Variants in FMO5 observed in about 807,000 individuals in gnomAD.
FMO5 encodes the protein flavin containing dimethylaniline monoxygenase 5.
FMO5 carries 51 observed loss-of-function variants against 43.6 expected under a neutral mutation model. The ratio of observed to expected loss-of-function variants is 1.17; its 90% CI spans 0.93 to 1.48. The LOEUF is 1.48. FMO5 is among the 40% of genes most tolerant of loss of function. The probability of loss-of-function intolerance (pLI) is 0.00; values close to 1 mark genes in which losing one functional copy is unlikely to be tolerated. For synonymous variants in FMO5, 187 were observed against 216.5 expected, an observed-to-expected ratio of 0.86 and a Z score of 1.20; for missense variants, 644 against 643.0, an observed-to-expected ratio of 1.00 and a Z score of -0.02.
intron 7 of FMO5, among the ~76,000 whole-genome samples, chr1:147,193,664 A>G (rs1657351633): frequency 6.6e-6 from 1 of 152,094 alleles, no homozygotes; most frequent in South Asian, 2.1e-4. Context: ...ATTTCCCTCT[A>G]CACACTGCTT....
downstream of FMO5, chr1:147,184,594 CAACTTG>C (rs1655459958): frequency 3.9e-6 from 6 of 1,548,546 alleles, no homozygotes; most frequent in Non-Finnish European, 5.2e-6. The surrounding 1 kb of genome is among the most constrained non-coding windows in gnomAD (Gnocchi z 4.4). Context: ...GAATATTCTT[CAACTTG>C]GGTTTGTCTG....
In FMO5 at chr1:147,215,752, A is replaced by G. The variant is rs782803012; in HGVS notation, c.324+2T>C. 1 of 1,591,648 alleles carries G rather than the reference A, an allele frequency of 6.3e-7. No individual in the cohort carries two copies. Among genetic ancestry groups the G allele is most frequent in the East Asian group, 2.2e-5 (1 of 44,618 alleles). The stretch of plus-strand genomic sequence containing the variant: ...CACAAAGATACCCACACAATTTTCT[A>G]CCTTAAATCGAATATACTTTAGAAG... On this transcript the variant is annotated splice_donor_variant, in intron 3 of 8. Transcript: ENST00000254090. LOFTEE classifies it high-confidence loss of function.
rs1553924842 is a variant in FMO5, at chr1:147,215,760, T to A, written c.318A>T (p.Arg106=). 6.3e-7 allele frequency: 1 copy of A among 1,596,950 alleles called. No individual in the cohort carries two copies. The highest frequency in any genetic ancestry group is 1.1e-5 in the South Asian group (1 of 87,280). ...TACCCACACAATTTTCTACCTTAAA[T>A]CGAATATACTTTAGAAGGTCAAATT... is the stretch of plus-strand genomic sequence containing the variant. The part of the protein sequence containing the change: ...AKEFDLLKYI[R]FKTTVCSVKK... The change falls in exon 3 of 9, where the codon CGA becomes CGT. Residue 106 remains arginine, a synonymous_variant. Transcript: ENST00000254090.
intron 6 of FMO5, chr1:147,204,023 T>C: frequency 8.4e-7 from 1 of 1,192,570 alleles, no homozygotes; most frequent in Non-Finnish European, 1.3e-6. Flanking sequence ...TTTGTTTGCA[T>C]AATGAAGAGC....
chr1:147,189,237 T>G (rs901339243), intron 8 of FMO5, among the ~76,000 whole-genome samples: 151,784 of 151,784 alleles, frequency 1, 75,892 homozygotes, highest in Non-Finnish European at 1. Context: ...TCGTGCCACT[T>G]ACTCCAGCCT....
intron 2 of FMO5, among the ~76,000 whole-genome samples, chr1:147,220,481 G>T (rs1201244744): frequency 6.6e-6 from 1 of 152,136 alleles, no homozygotes; most frequent in Non-Finnish European, 1.5e-5. Flanking sequence ...AGAAGGCCTA[G>T]AATAGAAGAC....
chr1:147,205,439 T>C (rs1383274201), intron 6 of FMO5, among the ~76,000 whole-genome samples: 3 of 152,192 alleles, frequency 2.0e-5, no homozygotes, highest in Non-Finnish European at 4.4e-5. Flanking sequence ...GTAGTATATG[T>C]GTCAAAAACA....
intron 7 of FMO5, among the ~76,000 whole-genome samples, chr1:147,199,219 T>C (rs1553920386): frequency 6.7e-6 from 1 of 149,536 alleles, no homozygotes; most frequent in East Asian, 1.9e-4. Flanking sequence ...GCAGGCTTTG[T>C]TGGGCAGACA....
At chr1:147,212,593 T>A (rs782604962) in intron 4 of FMO5, 58 bp from the exon 5 acceptor site, 1 of 1,501,248 alleles carries the variant, frequency 6.7e-7, no homozygotes, top group Non-Finnish European at 9.1e-7. Context: ...ATATCATTTG[T>A]CAAGTCATTT....
At position 147,201,359 on chromosome 1, in the gene FMO5, C is replaced by T. The variant is rs782425210; in HGVS notation, c.976G>A (p.Val326Ile). The T allele has an allele frequency of 5.0e-6, 8 of 1,614,032 alleles. No individual in the cohort carries two copies. Among genetic ancestry groups the T allele is most frequent in the Non-Finnish European group, 5.9e-6 (7 of 1,180,016 alleles). Reference sequence around the variant, plus strand: ...AAGCTATAGCCTGTGGCAAAGATAACAGCATCAATGTCATCCTCCCTGGAG... The same window carrying T: ...AAGCTATAGCCTGTGGCAAAGATAATAGCATCAATGTCATCCTCCCTGGAG... ...DGSREDDIDA[V>I]IFATGYSFDF... The change falls in exon 7 of 9, where the codon GTT becomes ATT. Residue 326 changes from valine (V) to isoleucine (I), a missense_variant. By Grantham distance (29) the Val-to-Ile change is conservative (BLOSUM62 3). Coordinates refer to ENST00000254090, the MANE Select transcript of FMO5 (RefSeq NM_001461.4).
At chr1:147,204,770 T>C in intron 6 of FMO5, 8 of 1,561,996 alleles carry the variant, frequency 5.1e-6, no homozygotes, top group Non-Finnish European at 7.1e-6. Context: ...TTGATAACCA[T>C]TTTTTTCATT....
chr1:147,184,604 T>C (rs782130057), downstream of FMO5: 27 of 1,547,900 alleles, frequency 1.7e-5, no homozygotes, highest in South Asian at 3.2e-4. This position sits in a 1 kb window ranked among gnomAD's most constrained non-coding sequence, Gnocchi z 4.4. Context: ...CAACTTGGGT[T>C]TGTCTGATGT....
At chr1:147,219,301 T>C (rs1365373425) in intron 2 of FMO5, among the ~76,000 whole-genome samples, 5 of 152,208 alleles carry the variant, frequency 3.3e-5, no homozygotes, top group African/African-American at 1.2e-4. Context: ...GTTAGACATG[T>C]CTCTTTTGAG....
chr1:147,203,399 T>A, intron 6 of FMO5: 1 of 964,078 alleles, frequency 1.0e-6, no homozygotes, highest in Non-Finnish European at 1.7e-6. Context: ...GCGAGTTTGA[T>A]AGACCAGTGT....
At chr1:147,192,497 C>T (rs1571172227) in intron 7 of FMO5, among the ~76,000 whole-genome samples, 1 of 152,140 alleles carries the variant, frequency 6.6e-6, no homozygotes, top group East Asian at 1.9e-4. Flanking sequence ...ATCGAATACC[C>T]TTTATTTCCT....
chr1:147,224,670 C>T (rs1663687935), intron 2 of FMO5, among the ~76,000 whole-genome samples: 1 of 151,958 alleles, frequency 6.6e-6, no homozygotes, highest in Admixed American at 6.5e-5. Context: ...CCACCACGCC[C>T]GGCTAATTTT....
At chr1:147,188,649 C>T (rs1427144733) in intron 8 of FMO5, among the ~76,000 whole-genome samples, 7 of 151,144 alleles carry the variant, frequency 4.6e-5, no homozygotes, top group Non-Finnish European at 1.0e-4. Flanking sequence ...ACATAGTCGG[C>T]CTTTAATAAA....
chr1:147,202,263 T>C (rs1254101538), intron 6 of FMO5, among the ~76,000 whole-genome samples: 2 of 151,306 alleles, frequency 1.3e-5, no homozygotes, highest in African/African-American at 2.4e-5. Flanking sequence ...TTACTTTTAA[T>C]AATAATAAGG....
Position 147,213,325 on chromosome 1 carries a change from G to C in FMO5, c.470C>G (p.Pro157Arg), listed in dbSNP as rs782796413. 1 of 1,610,322 alleles carries C rather than the reference G, an allele frequency of 6.2e-7. No individual in the cohort carries two copies. The highest frequency in any genetic ancestry group is 8.5e-7 in the Non-Finnish European group (1 of 1,178,026). ...CTGHHTNAHL[P>R]LESFPGIEKF... The stretch of plus-strand genomic sequence containing the variant: ...CTGCTCACCAGGGAAGCTTTCCAGA[G>C]GTAGATGAGCATTGGTGTGATGGCC... Residue 157 changes from proline to arginine, a missense_variant, in exon 4 of 9, where the codon CCT becomes CGT. Coordinates refer to ENST00000254090, the MANE Select transcript of FMO5 (RefSeq NM_001461.4).
Sources: allele counts gnomAD v4.1 joint callset (sites outside exome capture counted in the v4.1 genomes callset), GRCh38; gene constraint gnomAD v4.1.1; non-coding constraint Gnocchi (gnomAD v3.1); transcripts MANE v1.5; gene names NCBI Gene and HGNC (gene_info 2026-07-23, HGNC 2026-07-21).